Variants in SMIM36 observed in about 807,000 individuals in gnomAD.
SMIM36 encodes small integral membrane protein 36.
At chr17:55,509,034 A>G (rs1408408174) in intron 1 of SMIM36, among the ~76,000 whole-genome samples, 2 of 152,206 alleles carry the variant, frequency 1.3e-5, no homozygotes, top group Admixed American at 1.3e-4. Context: ...TACTTAAGAG[A>G]AAATATAATC....
upstream of SMIM36, among the ~76,000 whole-genome samples, chr17:55,512,831 C>G (rs1349891707): frequency 6.6e-6 from 1 of 152,182 alleles, no homozygotes; most frequent in African/African-American, 2.4e-5. Context: ...TTGGATACTC[C>G]TAGTTAAAAG....
chr17:55,528,535 C>A, the SMIM36 span, among the ~76,000 whole-genome samples: 1 of 148,730 alleles, frequency 6.7e-6, no homozygotes, highest in South Asian at 2.2e-4. Context: ...TCAAGGAAGT[C>A]TTTTTTTTTC....
chr17:55,476,603 C>T (rs1305871457), intron 3 of SMIM36, among the ~76,000 whole-genome samples: 1 of 151,788 alleles, frequency 6.6e-6, no homozygotes, highest in Non-Finnish European at 1.5e-5. Context: ...GAGTCTCGCT[C>T]TGTCACCCAG....
intron 4 of SMIM36, among the ~76,000 whole-genome samples, chr17:55,461,833 T>C (rs1723974550): frequency 6.6e-6 from 1 of 152,146 alleles, no homozygotes; most frequent in Admixed American, 6.5e-5. Flanking sequence ...GAGTTAAATG[T>C]CTCCTTGAAA....
chr17:55,508,343 C>CA (rs1366506774), intron 1 of SMIM36, among the ~76,000 whole-genome samples: 1 of 148,242 alleles, frequency 6.7e-6, no homozygotes, highest in African/African-American at 2.5e-5. Context: ...AACAAACAAA[C>CA]AAAAAAAGAA....
chr17:55,451,423 A>G lies in SMIM36; in HGVS notation c.*532-1125T>C, dbSNP rs76240509. 8.3e-3 allele frequency among the ~76,000 whole-genome samples: 1,257 copies of G among 152,264 alleles called. 17 individuals are homozygous for G. The highest frequency in any genetic ancestry group is 0.029 in the African/African-American group (1,191 of 41,540). ...CTTGTCTGCCTGGAATACTTTCCCC[A>G]TGGCTCTTCCTGTGGCTGACTTATG... On this transcript the variant is annotated intron_variant, in intron 4 of 4. Transcript: ENST00000636752.
intron 1 of SMIM36, among the ~76,000 whole-genome samples, chr17:55,483,787 G>A (rs962800681): frequency 2.6e-5 from 4 of 152,034 alleles, no homozygotes; most frequent in South Asian, 2.1e-4. Context: ...GTGTGTACCC[G>A]CTAATTTTTG....
chr17:55,473,277 C>T (rs750941047), intron 3 of SMIM36, among the ~76,000 whole-genome samples: 1 of 152,184 alleles, frequency 6.6e-6, no homozygotes, highest in African/African-American at 2.4e-5. Flanking sequence ...CTTTCTCAGG[C>T]CTTGTCCTTT....
chr17:55,486,040 CTTTTTTT>C (rs11356976), intron 1 of SMIM36, among the ~76,000 whole-genome samples: 30 of 135,662 alleles, frequency 2.2e-4, no homozygotes, highest in African/African-American at 7.8e-4. Context: ...TTCCTTTATT[CTTTTTTT>C]TTTTTTGAGA....
At chr17:55,512,865 G>T (rs937324973), upstream of SMIM36, among the ~76,000 whole-genome samples, 4 of 152,174 alleles carry the variant, frequency 2.6e-5, no homozygotes, top group African/African-American at 9.7e-5. Context: ...AGGTCTGCTG[G>T]TTTCTTAGTG....
chr17:55,478,976 GT>G (rs1033820912), intron 2 of SMIM36, among the ~76,000 whole-genome samples, 163 bp from the exon 3 acceptor site: 14 of 152,166 alleles, frequency 9.2e-5, no homozygotes, highest in African/African-American at 2.7e-4. Flanking sequence ...TGGGAAGGCT[GT>G]TTTCCTGTGG....
intron 1 of SMIM36, among the ~76,000 whole-genome samples, chr17:55,483,060 A>T (rs1909546123): frequency 6.6e-6 from 1 of 152,206 alleles, no homozygotes; most frequent in African/African-American, 2.4e-5. Flanking sequence ...GGCCAAATGG[A>T]TGCTATTATC....
intron 1 of SMIM36, among the ~76,000 whole-genome samples, 170 bp downstream of exon 1, chr17:55,510,706 CGTG>C: frequency 7.4e-6 from 1 of 135,542 alleles, no homozygotes; most frequent in African/African-American, 3.8e-5. Context: ...CGCACGTGCA[CGTG>C]CACACACACA....
chr17:55,472,515 G>A lies in SMIM36; in HGVS notation c.*348-5187C>T, dbSNP rs117694924. Among the ~76,000 whole-genome samples, 1,284 of 152,228 alleles carry A rather than the reference G, an allele frequency of 8.4e-3. 11 individuals carry two copies. Among genetic ancestry groups the A allele is most frequent in the Admixed American group, 0.012 (178 of 15,286 alleles). On this transcript the variant is annotated intron_variant, in intron 3 of 4. Coordinates refer to ENST00000636752, the Ensembl canonical transcript of SMIM36. ...CCCTCCTTAAGGCTGCTCTGCTGCC[G>A]GCCAAGGCAGGAGTCATTCATTGTA...
At chr17:55,465,975 G>C (rs989295389) in intron 4 of SMIM36, among the ~76,000 whole-genome samples, 1 of 152,030 alleles carries the variant, frequency 6.6e-6, no homozygotes, top group African/African-American at 2.4e-5. Flanking sequence ...CCAGGAGACA[G>C]GAAGATAAGA....
At chr17:55,528,762 G>A in the SMIM36 span, among the ~76,000 whole-genome samples, 3 of 151,892 alleles carry the variant, frequency 2.0e-5, no homozygotes, top group Non-Finnish European at 2.9e-5. Context: ...TGTTGGCCAC[G>A]CTGGTCTCGA....
In SMIM36 at chr17:55,497,426, G is replaced by T. The variant is rs891967908; in HGVS notation, c.*174+13453C>A. 7.2e-5 allele frequency among the ~76,000 whole-genome samples: 11 copies of T among 152,080 alleles called. No individual in the cohort carries two copies. In the East Asian group the frequency reaches 1.7e-3, roughly 24 times the overall value. On this transcript the variant is annotated intron_variant, in intron 1 of 4. Coordinates refer to ENST00000636752, the Ensembl canonical transcript of SMIM36. Reference sequence around the variant, plus strand: ...ATTACAGGCAAGCGCCACCACGCCCGGCTAATTATTTGTATTTTTAGTAGA... The same window carrying T: ...ATTACAGGCAAGCGCCACCACGCCCTGCTAATTATTTGTATTTTTAGTAGA...
chr17:55,461,991 T>C (rs1301054881), intron 4 of SMIM36, among the ~76,000 whole-genome samples: 1 of 152,220 alleles, frequency 6.6e-6, no homozygotes, highest in East Asian at 1.9e-4. Flanking sequence ...ATTGTAGATA[T>C]GGTGATAGGC....
chr17:55,490,961 A>G (rs1473895819), intron 1 of SMIM36, among the ~76,000 whole-genome samples: 3 of 152,066 alleles, frequency 2.0e-5, no homozygotes, highest in African/African-American at 7.2e-5. Flanking sequence ...TAGAATCAGA[A>G]AAATACAATC....
Sources: gnomAD v4.1 joint callset for allele counts (sites outside exome capture counted in the v4.1 genomes callset) on GRCh38, gnomAD v4.1.1 for gene constraint, MANE v1.5 for transcripts, NCBI Gene and HGNC (gene_info 2026-07-23, HGNC 2026-07-21) for gene names.